The following BRAT1 variants were observed in gnomAD, a reference collection of about 807,000 sequenced individuals.
The protein encoded by BRAT1 is BRCA1 associated ATM activator 1.
BRAT1 carries 74 observed loss-of-function variants against 70.6 expected under a neutral mutation model. The observed-to-expected ratio is 1.05, with a 90% confidence interval of 0.87 to 1.27. The LOEUF is 1.27. Among genes scored for constraint, BRAT1 ranks in the 50% most tolerant of loss-of-function variants. The pLI, the probability that BRAT1 is intolerant of heterozygous loss-of-function variation, is 0.00. For missense variants in BRAT1, 1,203 were observed against 1,098.2 expected (o/e 1.10, Z -1.35); for synonymous variants, 615 against 517.1 (o/e 1.19, Z -2.57).
chr7:2,544,038 G>T (rs1269096112), intron 4 of BRAT1, 76 bp from the exon 5 acceptor site: 5 of 982,198 alleles, frequency 5.1e-6, no homozygotes, highest in Non-Finnish European at 6.7e-6. Flanking sequence ...GGGCCTCAGG[G>T]AAGATACAAA....
chr7:2,555,022 TGA>T (rs1321936280), intron 1 of BRAT1, among the ~76,000 whole-genome samples: 1 of 129,666 alleles, frequency 7.7e-6, no homozygotes, highest in African/African-American at 3.0e-5. Flanking sequence ...AGTAGGAGGG[TGA>T]GGAGGGGAAG....
In BRAT1 at chr7:2,538,532, G is replaced by A. The variant is rs758503229; in HGVS notation, c.2003C>T (p.Pro668Leu). The change falls in exon 14 of 14, where the codon CCG becomes CTG. Residue 668 changes from proline to leucine, a missense_variant. Coordinates refer to ENST00000340611, the MANE Select transcript of BRAT1 (RefSeq NM_152743.4). Reference sequence around the variant, plus strand: ...GGCATAGGGGCAGTGGGTACGCGGCGGCCCCAAAGTCTGGCCCAGGAACAC... The same window carrying A: ...GGCATAGGGGCAGTGGGTACGCGGCAGCCCCAAAGTCTGGCCCAGGAACAC... ...ALVFLGQTLG[P>L]PRTHCPYAVA... The A allele has an allele frequency of 2.9e-5, 47 of 1,604,922 alleles. No homozygotes were observed. The highest frequency in any genetic ancestry group is 1.1e-4 in the African/African-American group (8 of 74,896).
chr7:2,542,878 C>T lies in BRAT1; in HGVS notation c.923+326G>A. Reference sequence around the variant, plus strand: ...GTGTGCTGGGGAGCTCCGAAACCCCCAACCAAAGCTGCGGTGGGGGACAGG... The same window carrying T: ...GTGTGCTGGGGAGCTCCGAAACCCCTAACCAAAGCTGCGGTGGGGGACAGG... On this transcript the variant is annotated intron_variant, in intron 6 of 13. Transcript: ENST00000340611. 1.0e-5 allele frequency: 2 copies of T among 195,458 alleles called. 1 individual carries two copies. Among genetic ancestry groups the T allele is most frequent in the East Asian group, 2.7e-4 (2 of 7,434 alleles). 12.1% of individuals were successfully genotyped at this position (195,458 alleles called of 1,614,324 possible). A position where few individuals can be genotyped will look rare whatever the true frequency, so the allele number is the denominator to read the frequency against.
intron 10 of BRAT1, chr7:2,540,648 A>C: frequency 3.6e-6 from 1 of 279,150 alleles, no homozygotes; most frequent in Non-Finnish European, 6.7e-6. Flanking sequence ...CACATTCACA[A>C]ATGGCGCTTA....
Position 2,544,967 on chromosome 7 carries a change from G to A in BRAT1, c.372C>T (p.Ile124=), listed in dbSNP as rs1307608660. 1.4e-5 allele frequency: 22 copies of A among 1,564,964 alleles called. No individual in the cohort carries two copies. Among genetic ancestry groups the A allele is most frequent in the African/African-American group, 2.7e-5 (2 of 74,112 alleles). The change falls in exon 4 of 14, where the codon ATC becomes ATT. Residue 124 remains isoleucine (I), a synonymous_variant. Coordinates refer to ENST00000340611, the MANE Select transcript of BRAT1 (RefSeq NM_152743.4). ...WAVPTVRSGW[I]QGLRSLAQHP... Reference sequence around the variant, plus strand: ...GCTGTGCCAGGGAGCGCAGGCCCTGGATCCAGCCGCTGCGCACGGTGGGGA... The same window carrying A: ...GCTGTGCCAGGGAGCGCAGGCCCTGAATCCAGCCGCTGCGCACGGTGGGGA...
At chr7:2,541,509 A>G in intron 8 of BRAT1, 25 bp from the exon 9 acceptor site, 1 of 1,516,752 alleles carries the variant, frequency 6.6e-7, no homozygotes, top group Non-Finnish European at 8.9e-7. Context: ...GCCGTCAGCC[A>G]AGGTTGCGGT....
chr7:2,542,961 C>T, intron 6 of BRAT1: 1 of 357,480 alleles, frequency 2.8e-6, no homozygotes, highest in Non-Finnish European at 5.0e-6. Flanking sequence ...AGCAGAGCAG[C>T]TCCCGCATCC....
rs1471483570 is a variant in BRAT1, at chr7:2,541,307, G to A, written c.1312C>T (p.Gln438Ter). Residue 438 changes from glutamine to a stop codon, truncating the protein, a stop_gained, in exon 9 of 14, where the codon CAG becomes TAG. Coordinates refer to ENST00000340611, the MANE Select transcript of BRAT1 (RefSeq NM_152743.4). LOFTEE classifies it high-confidence loss of function. The stretch of plus-strand genomic sequence containing the variant: ...TACAGAACACACTCACCTGTCCCCT[G>A]TGACAGCGTCCCCAGGAAGTCGAGG... ...AALDFLGTLS[Q>*]GTGPQELVTQ... is the part of the protein sequence containing the mutation. The A allele has an allele frequency of 1.3e-6, 2 of 1,591,860 alleles. No individual in the cohort carries two copies. Among genetic ancestry groups the A allele is most frequent in the East Asian group, 2.2e-5 (1 of 44,758 alleles).
chr7:2,547,270 G>A, intron 3 of BRAT1, 54 bp downstream of exon 3: 2 of 1,598,438 alleles, frequency 1.3e-6, no homozygotes, highest in South Asian at 1.1e-5. Flanking sequence ...GCTGCGGGAG[G>A]AAAAGCCTGC....
At chr7:2,555,288 G>C (rs940300756) in intron 1 of BRAT1, among the ~76,000 whole-genome samples, 199 bp downstream of exon 1, 3 of 152,150 alleles carry the variant, frequency 2.0e-5, no homozygotes, top group Non-Finnish European at 4.4e-5. Flanking sequence ...TTTGAAGTCA[G>C]TTTTGGCCGC....
In BRAT1 at chr7:2,538,377, A is replaced by G. The variant is rs1319712373; in HGVS notation, c.2158T>C (p.Cys720Arg). 2 of 1,613,540 alleles carry G rather than the reference A, an allele frequency of 1.2e-6. No homozygotes were observed. The highest frequency in any genetic ancestry group is 1.7e-6 in the Non-Finnish European group (2 of 1,179,940). The change falls in exon 14 of 14, where the codon TGT becomes CGT. Residue 720 changes from cysteine (C) to arginine (R), a missense_variant. By Grantham distance (180) the Cys-to-Arg change is radical. Transcript: ENST00000340611. ...TCCCTCAGGAAGAGAAGGAGGTCAC[A>G]AGACTTCTGCGCCACAGGGCGGTCG... ...DCDRPVAQKSCDLLLFLRDKI... is the reference protein window; with the variant it reads ...DCDRPVAQKSRDLLLFLRDKI...
intron 2 of BRAT1, among the ~76,000 whole-genome samples, chr7:2,552,106 ATTT>A (rs1174942520): frequency 1.5e-3 from 21 of 14,192 alleles, no homozygotes; most frequent in African/African-American, 3.4e-3. Flanking sequence ...ATATATATAT[ATTT>A]TTTTTTTTTT....
rs1438687712 is a variant in BRAT1 at position 2,543,328 on chromosome 7, A to G, written c.804-5T>C. On this transcript the variant is annotated splice_region_variant and splice_polypyrimidine_tract_variant and intron_variant, in intron 5 of 13. Transcript: ENST00000340611. This position sits in a 1 kb window ranked among gnomAD's most constrained non-coding sequence, Gnocchi z 5.5. Reference sequence around the variant, plus strand: ...GAAGAACTGAACACGGGAGAACTGCAGGGAGACCCCAGAGAGAAAAATTAC... The same window carrying G: ...GAAGAACTGAACACGGGAGAACTGCGGGGAGACCCCAGAGAGAAAAATTAC... 3.1e-6 allele frequency: 5 copies of G among 1,588,076 alleles called. No homozygotes were observed. The highest frequency in any genetic ancestry group is 4.3e-6 in the Non-Finnish European group (5 of 1,166,734).
At position 2,544,058 on chromosome 7, in the gene BRAT1, G is replaced by GC. The variant is rs147960160; in HGVS notation, c.431-97dup. 6,075 of 1,000,490 alleles carry GC rather than the reference G, an allele frequency of 6.1e-3. 265 individuals are homozygous for GC. In the African/African-American group the frequency reaches 0.097, roughly 16 times the overall value. The allele number at this position is 1,000,490 out of a possible 1,614,324, so 62.0% of individuals were successfully genotyped here. On this transcript the variant is annotated intron_variant, in intron 4 of 13. Transcript: ENST00000340611. ...TCAGGGAAGATACAAATAGCAGAGG[G>GC]CCCCCCAAGATGCCCCCAAATGCCT... is the stretch of plus-strand genomic sequence containing the variant.
At chr7:2,554,632 T>G (rs1780277862) in intron 1 of BRAT1, among the ~76,000 whole-genome samples, 185 bp from the exon 2 acceptor site, 1 of 152,154 alleles carries the variant, frequency 6.6e-6, no homozygotes, top group South Asian at 2.1e-4. Flanking sequence ...AGCTTTGGTC[T>G]AGGTGGGGCC....
rs1190334477 is a variant in BRAT1, at chr7:2,547,335, G to A, written c.271C>T (p.Gln91Ter). ...GTFAAQENCF[Q>*]YLQQGELLPG... is the part of the protein sequence containing the mutation. ...GGCCCCAGGCTCACCTGAAGATACT[G>A]GAAGCAGTTTTCCTGGGCTGCGAAG... Residue 91 changes from glutamine to a stop codon, truncating the protein, a stop_gained, in exon 3 of 14, where the codon CAG (glutamine) becomes TAG (stop). Transcript: ENST00000340611. LOFTEE classifies it high-confidence loss of function. The A allele has an allele frequency of 6.2e-7, 1 of 1,614,108 alleles. No individual in the cohort carries two copies.
At position 2,543,005 on chromosome 7, in the gene BRAT1, C is replaced by T. The variant is rs1779299066; in HGVS notation, c.923+199G>A. The T allele has an allele frequency of 5.5e-6, 3 of 542,884 alleles. No individual in the cohort carries two copies. The highest frequency in any genetic ancestry group is 9.1e-6 in the Non-Finnish European group (3 of 329,774). The allele number at this position is 542,884 out of a possible 1,614,324, so 33.6% of individuals were successfully genotyped here. A position where few individuals can be genotyped will look rare whatever the true frequency, so the allele number is the denominator to read the frequency against. ...TCTGGGGATCTCGCAGAGCTTTGGT[C>T]TGAAACAATTATTCTGTTGCTAAAG... is the stretch of plus-strand genomic sequence containing the variant. On this transcript the variant is annotated intron_variant, in intron 6 of 13. Coordinates refer to ENST00000340611, the MANE Select transcript of BRAT1 (RefSeq NM_152743.4). The surrounding 1 kb of genome is among the most constrained non-coding windows in gnomAD (Gnocchi z 5.5).
Position 2,541,317 on chromosome 7 carries a change from C to T in BRAT1, c.1302G>A (p.Gly434=), listed in dbSNP as rs899704030. ...RVQRAALDFL[G]TLSQGTGPQE... ...ACTCACCTGTCCCCTGTGACAGCGT[C>T]CCCAGGAAGTCGAGGGCTGCTCGCT... Residue 434 remains glycine (G), a synonymous_variant, in exon 9 of 14, where the codon GGG becomes GGA. Transcript: ENST00000340611. 1.3e-6 allele frequency: 2 copies of T among 1,596,402 alleles called. No individual in the cohort carries two copies. Among genetic ancestry groups the T allele is most frequent in the Admixed American group, 3.4e-5 (2 of 59,006 alleles).
chr7:2,540,960 T>A lies in BRAT1; in HGVS notation c.1395+19A>T. ...CTCTGCCTCCCTCCTCTCCTCGCTC[T>A]CTATCCCCACCACCGTACCGTGGGG... On this transcript the variant is annotated intron_variant, in intron 10 of 13. Coordinates refer to ENST00000340611, the MANE Select transcript of BRAT1 (RefSeq NM_152743.4). The A allele has an allele frequency of 6.6e-7, 1 of 1,524,570 alleles. No individual in the cohort carries two copies. 94.4% of individuals were successfully genotyped at this position (1,524,570 alleles called of 1,614,324 possible).
Sources: gnomAD v4.1 joint callset for allele counts (sites outside exome capture counted in the v4.1 genomes callset) on GRCh38, gnomAD v4.1.1 for gene constraint, Gnocchi (gnomAD v3.1) non-coding constraint, MANE v1.5 for transcripts, NCBI Gene and HGNC (gene_info 2026-07-23, HGNC 2026-07-21) for gene names.